The following ARHGAP32 variants were observed in gnomAD, a reference collection of about 807,000 sequenced individuals.
ARHGAP32 encodes Rho GTPase activating protein 32.
A neutral mutation model predicts 186.5 loss-of-function variants in ARHGAP32; 51 were observed. The observed-to-expected ratio is 0.27, with a 90% CI of 0.22 to 0.35. The LOEUF (loss-of-function observed/expected upper bound fraction) is 0.35. Ranked by LOEUF, ARHGAP32 falls within the 10% of genes least tolerant of loss-of-function variation. ARHGAP32 has a pLI of 1.00. For missense variants in ARHGAP32, 2,186 were observed against 2,623.5 expected (o/e 0.83, Z 3.64); for synonymous variants, 950 against 964.3 (o/e 0.99, Z 0.27).
intron 1 of ARHGAP32, among the ~76,000 whole-genome samples, chr11:129,267,612 T>C (rs1177536745): frequency 1.3e-5 from 2 of 152,256 alleles, no homozygotes; most frequent in African/African-American, 4.8e-5. Flanking sequence ...GGAGTTTTAT[T>C]TGATAAAATC....
intron 21 of ARHGAP32, chr11:128,973,680 A>C (rs1945460614): frequency 3.6e-6 from 2 of 557,858 alleles, no homozygotes; most frequent in East Asian, 5.9e-5. Context: ...TGGGGGGGAA[A>C]AAAAGCATGT....
intron 1 of ARHGAP32, among the ~76,000 whole-genome samples, chr11:129,273,419 A>T (rs1196277338): frequency 6.6e-6 from 1 of 152,240 alleles, no homozygotes; most frequent in African/African-American, 2.4e-5. Flanking sequence ...AAGGTCTGTC[A>T]GATTCTCCTT....
upstream of ARHGAP32, among the ~76,000 whole-genome samples, chr11:129,193,586 TA>T (rs1944325036): frequency 1.2e-4 from 6 of 51,674 alleles, no homozygotes; most frequent in Non-Finnish European, 2.1e-4. Context: ...ATATATTATA[TA>T]ATATATGTTA....
intron 1 of ARHGAP32, among the ~76,000 whole-genome samples, chr11:129,236,726 C>T (rs1031387503): frequency 3.3e-5 from 5 of 152,024 alleles, no homozygotes; most frequent in Admixed American, 3.3e-4. Context: ...TCCTCTTTAC[C>T]GATTTGGATG....
chr11:129,193,670 A>C (rs1204851936), upstream of ARHGAP32, among the ~76,000 whole-genome samples: 1 of 48,268 alleles, frequency 2.1e-5, no homozygotes, highest in Non-Finnish European at 3.8e-5. Context: ...TATATATTAT[A>C]TATAATATAT....
At chr11:129,034,126 G>A (rs879060161) in intron 11 of ARHGAP32, among the ~76,000 whole-genome samples, 3 of 152,060 alleles carry the variant, frequency 2.0e-5, no homozygotes, top group Admixed American at 1.3e-4. Context: ...AAAGCTTGGG[G>A]CATTTTTCAG....
intron 1 of ARHGAP32, among the ~76,000 whole-genome samples, chr11:129,251,811 G>A (rs1002081484): frequency 6.6e-6 from 1 of 151,368 alleles, no homozygotes; most frequent in Non-Finnish European, 1.5e-5. Flanking sequence ...AGGTGTGCCT[G>A]TAATCCCAGC....
chr11:129,210,795 T>C (rs1246492409), intron 1 of ARHGAP32, among the ~76,000 whole-genome samples: 3 of 152,200 alleles, frequency 2.0e-5, no homozygotes, highest in African/African-American at 7.2e-5. Flanking sequence ...AATTAGTTCA[T>C]ATAAGCTTAG....
chr11:129,057,341 C>T (rs1224932627), intron 10 of ARHGAP32, among the ~76,000 whole-genome samples: 1 of 152,060 alleles, frequency 6.6e-6, no homozygotes. Context: ...GAGCCTGAAA[C>T]CAGCCTGGCT....
rs145357631 is a variant in ARHGAP32 at position 129,035,521 on chromosome 11, G to A, written c.1045+5407C>T. Among the ~76,000 whole-genome samples the A allele has an allele frequency of 3.9e-3, 600 of 152,328 alleles. 5 individuals carry two copies. The highest frequency in any genetic ancestry group is 0.014 in the Middle Eastern group (4 of 294). On this transcript the variant is annotated intron_variant, in intron 11 of 22. Transcript: ENST00000682385. ...GTGTGAAACAAGCCCAAGGCTGACA[G>A]AATTCACATCATCCTTTTCAAAATG... is the stretch of plus-strand genomic sequence containing the variant.
chr11:129,267,082 T>TGCACC (rs1175475196), intron 1 of ARHGAP32, among the ~76,000 whole-genome samples: 1 of 152,236 alleles, frequency 6.6e-6, no homozygotes, highest in Non-Finnish European at 1.5e-5. Context: ...GCTGACTCTC[T>TGCACC]GCACCTCAGC....
chr11:129,170,860 T>C (rs1943745194), intron 1 of ARHGAP32, among the ~76,000 whole-genome samples: 2 of 152,206 alleles, frequency 1.3e-5, no homozygotes, highest in South Asian at 4.1e-4. Context: ...ATAATCGCCA[T>C]CCTGACTGGC....
Position 128,969,339 on chromosome 11 carries a change from G to A in ARHGAP32, c.5874C>T (p.Leu1958=). The part of the protein sequence containing the change: ...SLRLNHKEVR[L]SKEMERPWVR... ...CCCAGGGTCGCTCCATCTCTTTGGA[G>A]AGCCTTACCTCTTTGTGGTTCAGTC... The change falls in exon 23 of 23, where the codon CTC becomes CTT. Residue 1958 remains leucine, a synonymous_variant. Coordinates refer to ENST00000682385, the MANE Select transcript of ARHGAP32 (RefSeq NM_001378024.1). The surrounding 1 kb of genome is among the most constrained non-coding windows in gnomAD (Gnocchi z 4.8). 2 of 1,614,238 alleles carry A rather than the reference G, an allele frequency of 1.2e-6. No individual in the cohort carries two copies. The highest frequency in any genetic ancestry group is 2.2e-5 in the East Asian group (1 of 44,884).
chr11:129,239,966 T>C (rs775753938), intron 1 of ARHGAP32, among the ~76,000 whole-genome samples: 2 of 152,196 alleles, frequency 1.3e-5, no homozygotes, highest in Admixed American at 6.5e-5. Context: ...GAACTGTTGT[T>C]TGTAATCTTC....
At chr11:129,219,641 C>T (rs1944688304) in intron 1 of ARHGAP32, among the ~76,000 whole-genome samples, 1 of 151,994 alleles carries the variant, frequency 6.6e-6, no homozygotes, top group Non-Finnish European at 1.5e-5. Context: ...AATATTTCTA[C>T]AGTAATTTTT....
intron 10 of ARHGAP32, among the ~76,000 whole-genome samples, chr11:129,047,510 A>C (rs924647487): frequency 6.6e-6 from 1 of 152,130 alleles, no homozygotes; most frequent in Non-Finnish European, 1.5e-5. Flanking sequence ...GTTTTAAATC[A>C]GTACCCTTTA....
intron 1 of ARHGAP32, among the ~76,000 whole-genome samples, chr11:129,268,746 A>T (rs971046002): frequency 2.0e-5 from 3 of 148,966 alleles, no homozygotes; most frequent in Non-Finnish European, 4.5e-5. Context: ...AGACCAAAGC[A>T]GCCTTGTCTC....
chr11:129,062,391 T>C (rs752306188), intron 9 of ARHGAP32, 34 bp from the exon 10 acceptor site: 8 of 1,572,452 alleles, frequency 5.1e-6, no homozygotes, highest in African/African-American at 1.4e-5. Flanking sequence ...AAAATGGTTT[T>C]AGTTAAATTT....
chr11:129,012,729 C>A (rs547122550), intron 11 of ARHGAP32, among the ~76,000 whole-genome samples: 407 of 152,230 alleles, frequency 2.7e-3, no homozygotes, highest in African/African-American at 9.3e-3. Flanking sequence ...GAAAAAGTGA[C>A]CATTTTCAAC....
Sources: allele counts gnomAD v4.1 joint callset (sites outside exome capture counted in the v4.1 genomes callset), GRCh38; gene constraint gnomAD v4.1.1; non-coding constraint Gnocchi (gnomAD v3.1); transcripts MANE v1.5; gene names NCBI Gene and HGNC (gene_info 2026-07-23, HGNC 2026-07-21).